Variants in ATXN2 observed in about 807,000 individuals in gnomAD.
ATXN2 encodes the protein ataxin-2.
ATXN2 carries 37 observed loss-of-function variants against 138.6 expected under a neutral mutation model. That is an observed-to-expected ratio of 0.27 (90% CI 0.21 to 0.35). The LOEUF (loss-of-function observed/expected upper bound fraction) is 0.35, where lower values mean the gene tolerates loss of function less well. ATXN2 is among the 10% of genes least tolerant of loss of function. The probability of loss-of-function intolerance (pLI) is 1.00; values close to 1 mark genes in which losing one functional copy is unlikely to be tolerated. For missense variants in ATXN2, 1,216 were observed against 1,480.3 expected (o/e 0.82, Z 2.93); for synonymous variants, 549 against 543.7 (o/e 1.01, Z -0.13).
intron 1 of ATXN2, among the ~76,000 whole-genome samples, chr12:111,585,676 T>C (rs1884284181): frequency 6.6e-6 from 1 of 150,506 alleles, no homozygotes; most frequent in Admixed American, 6.6e-5. Context: ...GTGTGACCAA[T>C]ATCTGTACTC....
rs199797015 is a variant in ATXN2, at chr12:111,462,969, T to TACAC, written c.2896+1692_2896+1693insGTGT. 6.6e-3 allele frequency among the ~76,000 whole-genome samples: 902 copies of TACAC among 136,214 alleles called. 13 individuals are homozygous for TACAC. Among genetic ancestry groups the TACAC allele is most frequent in the African/African-American group, 0.023 (821 of 35,748 alleles). The allele number at this position is 136,214 out of a possible 152,430, so 89.4% of individuals were successfully genotyped here. ...AATTATATATACACACATACATATA[T>TACAC]ATATATATACACACACACACACACA... On this transcript the variant is annotated intron_variant, in intron 21 of 24. Coordinates refer to ENST00000673436, the MANE Select transcript of ATXN2 (RefSeq NM_001372574.1).
chr12:111,464,124 A>G (rs1156869993), intron 21 of ATXN2, among the ~76,000 whole-genome samples: 1 of 152,204 alleles, frequency 6.6e-6, no homozygotes, highest in African/African-American at 2.4e-5. Context: ...CATGCACAGG[A>G]CTGAAAAGTT....
At chr12:111,460,396 G>T (rs1875483008) in intron 21 of ATXN2, among the ~76,000 whole-genome samples, 1 of 152,156 alleles carries the variant, frequency 6.6e-6, no homozygotes, top group Non-Finnish European at 1.5e-5. Context: ...ACTGGATAGT[G>T]ATGTCTACAG....
chr12:111,497,787 C>T (rs528677949), intron 14 of ATXN2, among the ~76,000 whole-genome samples: 18 of 152,084 alleles, frequency 1.2e-4, no homozygotes, highest in African/African-American at 3.1e-4. Context: ...GAGGCTGAGA[C>T]GGGCAGATCA....
At position 111,459,082 on chromosome 12, in the gene ATXN2, C is replaced by T. The variant is rs7133577; in HGVS notation, c.2897-1723G>A. 2.4e-3 allele frequency among the ~76,000 whole-genome samples: 365 copies of T among 152,318 alleles called. 2 individuals carry two copies. The highest frequency in any genetic ancestry group is 8.5e-3 in the African/African-American group (354 of 41,574). Reference sequence around the variant, plus strand: ...ACTGGATACAGCAGCTTTGTTTATACACTGGGAAAATTTTCCAGACTGTAG... The same window carrying T: ...ACTGGATACAGCAGCTTTGTTTATATACTGGGAAAATTTTCCAGACTGTAG... On this transcript the variant is annotated intron_variant, in intron 21 of 24. Coordinates refer to ENST00000673436, the MANE Select transcript of ATXN2 (RefSeq NM_001372574.1).
chr12:111,453,308 T>A lies in ATXN2; in HGVS notation c.3439+369A>T. Reference sequence around the variant, plus strand: ...ATCTTCTCCAGAGCTACAATCAAACTCTGCCATGGTAATAACCCCCCACAT... The same window carrying A: ...ATCTTCTCCAGAGCTACAATCAAACACTGCCATGGTAATAACCCCCCACAT... On this transcript the variant is annotated intron_variant, in intron 24 of 24. Coordinates refer to ENST00000673436, the MANE Select transcript of ATXN2 (RefSeq NM_001372574.1). The surrounding 1 kb of genome is among the most constrained non-coding windows in gnomAD (Gnocchi z 5.4). 9.4e-7 allele frequency: 1 copy of A among 1,064,574 alleles called. No homozygotes were observed. Among genetic ancestry groups the A allele is most frequent in the Non-Finnish European group, 1.1e-6 (1 of 882,062 alleles). The allele number at this position is 1,064,574 out of a possible 1,614,324, so 65.9% of individuals were successfully genotyped here.
chr12:111,560,906 G>T (rs1022701628), intron 1 of ATXN2, among the ~76,000 whole-genome samples: 3 of 152,274 alleles, frequency 2.0e-5, no homozygotes. Flanking sequence ...AAGAACGAAA[G>T]AAAACCATAA....
At chr12:111,576,499 T>C (rs1883655613) in intron 1 of ATXN2, among the ~76,000 whole-genome samples, 1 of 151,978 alleles carries the variant, frequency 6.6e-6, no homozygotes, top group Admixed American at 6.6e-5. Context: ...TTATTATTAT[T>C]TTGAGACACA....
chr12:111,581,135 CAAAAAAAAAAAA>C (rs1016431358), intron 1 of ATXN2, among the ~76,000 whole-genome samples: 1 of 57,886 alleles, frequency 1.7e-5, no homozygotes, highest in Admixed American at 2.0e-4. Flanking sequence ...GACTCCATCT[CAAAAAAAAAAAA>C]AAAAAAAGAA....
Position 111,519,994 on chromosome 12 carries a change from T to A in ATXN2, c.871A>T (p.Ser291Cys). 1 of 1,614,178 alleles carries A rather than the reference T, an allele frequency of 6.2e-7. No individual in the cohort carries two copies. Residue 291 changes from serine (S) to cysteine (C), a missense_variant, in exon 8 of 25, where the codon AGT (serine) becomes TGT (cysteine). Ser to Cys is a moderately radical substitution (Grantham distance 112). Around this residue, in one of 4 missense-constraint regions of ATXN2, gnomAD observed 401 missense variants for 528.1 expected, o/e 0.76. Coordinates refer to ENST00000673436, the MANE Select transcript of ATXN2 (RefSeq NM_001372574.1). ...GCCACTCGAGCTTTGTACTGGGCAC[T>A]TGACTCAATTTCTTCTGCTAACTGG... ...ANQLAEEIES[S>C]AQYKARVALE... is the part of the protein sequence containing the mutation.
At chr12:111,561,133 C>A (rs934877573) in intron 1 of ATXN2, among the ~76,000 whole-genome samples, 4 of 150,986 alleles carry the variant, frequency 2.6e-5, no homozygotes, top group Non-Finnish European at 5.9e-5. Context: ...TGCAGTGAGC[C>A]GAGATTGTGC....
intron 1 of ATXN2, among the ~76,000 whole-genome samples, chr12:111,580,999 G>C (rs940729166): frequency 6.6e-6 from 1 of 151,854 alleles, no homozygotes; most frequent in Non-Finnish European, 1.5e-5. Flanking sequence ...CTAGCCGGCT[G>C]TGGTGGCAGG....
chr12:111,548,698 C>T lies in ATXN2; in HGVS notation c.571+3582G>A, dbSNP rs116284513. Among the ~76,000 whole-genome samples the T allele has an allele frequency of 8.6e-3, 1,311 of 152,216 alleles. 20 individuals carry two copies. Among genetic ancestry groups the T allele is most frequent in the African/African-American group, 0.03 (1,262 of 41,522 alleles). Reference sequence around the variant, plus strand: ...CAGCAGAGACTATTTCAGGCAGTTGCCAATTCTGAGACAGAAAGGGGACTG... The same window carrying T: ...CAGCAGAGACTATTTCAGGCAGTTGTCAATTCTGAGACAGAAAGGGGACTG... On this transcript the variant is annotated intron_variant, in intron 5 of 24. Coordinates refer to ENST00000673436, the MANE Select transcript of ATXN2 (RefSeq NM_001372574.1).
rs1877820442 is a variant in ATXN2 at position 111,488,858 on chromosome 12, T to A, written c.1936-78A>T. Reference sequence around the variant, plus strand: ...ATTTTTGCCATGAGCACAAGCTACGTAATATTAACTATACGCATGAAATGT... The same window carrying A: ...ATTTTTGCCATGAGCACAAGCTACGAAATATTAACTATACGCATGAAATGT... On this transcript the variant is annotated intron_variant, in intron 14 of 24. Coordinates refer to ENST00000673436, the MANE Select transcript of ATXN2 (RefSeq NM_001372574.1). 3.4e-6 allele frequency: 4 copies of A among 1,162,668 alleles called. No individual in the cohort carries two copies. The Admixed American group carries it at 9.8e-5, about 28-fold the overall frequency. 72.0% of individuals were successfully genotyped at this position (1,162,668 alleles called of 1,614,324 possible). A position where few individuals can be genotyped will look rare whatever the true frequency, so the allele number is the denominator to read the frequency against.
intron 5 of ATXN2, among the ~76,000 whole-genome samples, chr12:111,540,853 CCTGA>C (rs1282767458): frequency 2.0e-5 from 3 of 149,424 alleles, no homozygotes; most frequent in Non-Finnish European, 3.0e-5. Flanking sequence ...TGCTACCATG[CCTGA>C]CTAATTTTTT....
intron 10 of ATXN2, among the ~76,000 whole-genome samples, chr12:111,514,568 A>G (rs1879751923): frequency 6.6e-6 from 1 of 152,168 alleles, no homozygotes; most frequent in Admixed American, 6.5e-5. Context: ...TCTGTCGCCC[A>G]GGCTGGAGTG....
chr12:111,488,700 G>A lies in ATXN2; in HGVS notation c.2016C>T (p.Ile672=). ...NREGEKSRDL[I]KDKIEPSAKD... ...TAGCACTTGGTTCAATTTTGTCTTT[G>A]ATCAAATCTCTTGATTTTTCTCCCT... The change falls in exon 15 of 25, where the codon ATC becomes ATT. Residue 672 remains isoleucine, a synonymous_variant. Transcript: ENST00000673436. 6.2e-7 allele frequency: 1 copy of A among 1,612,148 alleles called. No individual in the cohort carries two copies.
At chr12:111,568,972 C>T (rs974442805) in intron 1 of ATXN2, among the ~76,000 whole-genome samples, 1 of 148,442 alleles carries the variant, frequency 6.7e-6, no homozygotes, top group Non-Finnish European at 1.5e-5. Flanking sequence ...ACAACCCAAA[C>T]ACAGTGAAGC....
chr12:111,548,262 AT>A (rs1164287949), intron 5 of ATXN2, among the ~76,000 whole-genome samples: 1 of 152,224 alleles, frequency 6.6e-6, no homozygotes, highest in East Asian at 1.9e-4. Flanking sequence ...CACATAATTT[AT>A]GTCACTGCAG....
Sources: allele counts gnomAD v4.1 joint callset (sites outside exome capture counted in the v4.1 genomes callset), GRCh38; gene constraint gnomAD v4.1.1; regional missense constraint gnomAD v4.1.1; non-coding constraint Gnocchi (gnomAD v3.1); transcripts MANE v1.5; gene names NCBI Gene and HGNC (gene_info 2026-07-23, HGNC 2026-07-21).